The following NCALD variants were observed in gnomAD, a reference collection of about 807,000 sequenced individuals.
NCALD encodes neurocalcin-delta.
Under a neutral mutation model 18.6 loss-of-function variants are expected in NCALD, and 10 were observed. The observed-to-expected ratio is 0.54, with a 90% confidence interval of 0.33 to 0.91. The LOEUF (loss-of-function observed/expected upper bound fraction) is 0.91. Among genes scored for constraint, NCALD ranks in the 40% least tolerant of loss-of-function variants. The pLI is 0.03. For missense variants in NCALD, 184 were observed against 247.6 expected (o/e 0.74, Z 1.72); for synonymous variants, 88 against 87.4 (o/e 1.01, Z -0.04).
chr8:101,831,606 G>A (rs536840705), intron 4 of NCALD, among the ~76,000 whole-genome samples: 3 of 152,268 alleles, frequency 2.0e-5, no homozygotes, highest in East Asian at 3.9e-4. Context: ...CTAAAAGGCT[G>A]TTTACTTTGT....
intron 4 of NCALD, among the ~76,000 whole-genome samples, chr8:101,846,507 C>T (rs146016492): frequency 6.6e-5 from 10 of 152,190 alleles, no homozygotes; most frequent in African/African-American, 2.2e-4. Flanking sequence ...CTTCAAGCTC[C>T]CCCTACACCC....
chr8:101,948,376 G>A (rs1264588661), intron 2 of NCALD, among the ~76,000 whole-genome samples: 2 of 152,210 alleles, frequency 1.3e-5, no homozygotes, highest in Non-Finnish European at 2.9e-5. Context: ...GGTGAAGGGT[G>A]CTCAGAGACT....
chr8:102,005,617 G>A (rs2132044198), intron 2 of NCALD, among the ~76,000 whole-genome samples: 1 of 152,190 alleles, frequency 6.6e-6, no homozygotes, highest in Admixed American at 6.5e-5. Flanking sequence ...GCAAAGACTT[G>A]GAACTAACCC....
chr8:102,085,338 C>T (rs1824701701), intron 1 of NCALD, among the ~76,000 whole-genome samples: 2 of 152,180 alleles, frequency 1.3e-5, no homozygotes, highest in Admixed American at 1.3e-4. Flanking sequence ...CTGGGAGTTC[C>T]CAGTCACCCT....
At chr8:101,951,467 G>A (rs1013689728) in intron 2 of NCALD, among the ~76,000 whole-genome samples, 1 of 152,176 alleles carries the variant, frequency 6.6e-6, no homozygotes. Flanking sequence ...CAGGGAGGGA[G>A]CGTACCAGAG....
chr8:102,098,168 C>G (rs968045187), intron 1 of NCALD, among the ~76,000 whole-genome samples: 8 of 152,200 alleles, frequency 5.3e-5, no homozygotes, highest in African/African-American at 1.7e-4. Context: ...GGGATGACCT[C>G]CAGTTGCCCA....
At chr8:101,753,302 C>T (rs572824360) in intron 1 of NCALD, among the ~76,000 whole-genome samples, 3 of 151,974 alleles carry the variant, frequency 2.0e-5, no homozygotes, top group Admixed American at 6.6e-5. Flanking sequence ...GAATCAAGAG[C>T]GTAGATGGGA....
chr8:102,122,259 T>TG (rs1335720338), intron 1 of NCALD, among the ~76,000 whole-genome samples: 1 of 151,870 alleles, frequency 6.6e-6, no homozygotes, highest in Non-Finnish European at 1.5e-5. Flanking sequence ...AGAGGCTACG[T>TG]GGGGGGAGGC....
intron 2 of NCALD, among the ~76,000 whole-genome samples, chr8:101,704,309 A>T (rs1338184984): frequency 6.6e-6 from 1 of 152,180 alleles, no homozygotes; most frequent in Non-Finnish European, 1.5e-5. Context: ...CTTGAAATTA[A>T]CAACAACAAA....
chr8:101,867,115 G>A (rs187175871), intron 4 of NCALD, among the ~76,000 whole-genome samples: 150 of 152,086 alleles, frequency 9.9e-4, no homozygotes, highest in Middle Eastern at 3.4e-3. Context: ...GCACTCCCTC[G>A]TCCTGGCATG....
At chr8:102,064,327 G>C (rs1345317153) in intron 1 of NCALD, among the ~76,000 whole-genome samples, 2 of 152,162 alleles carry the variant, frequency 1.3e-5, no homozygotes, top group Non-Finnish European at 2.9e-5. Context: ...CAGGGCTCAG[G>C]GGAAGGGCCA....
At chr8:101,793,192 T>C (rs1812510440), upstream of NCALD, among the ~76,000 whole-genome samples, 1 of 151,720 alleles carries the variant, frequency 6.6e-6, no homozygotes, top group Non-Finnish European at 1.5e-5. Flanking sequence ...CTATTAAAAA[T>C]ACAAAAAATT....
chr8:102,088,650 T>C (rs1318580721), intron 1 of NCALD, among the ~76,000 whole-genome samples: 5 of 151,966 alleles, frequency 3.3e-5, no homozygotes, highest in Admixed American at 6.6e-5. Flanking sequence ...ATAGATCTCT[T>C]TCAAAATCTA....
intron 4 of NCALD, among the ~76,000 whole-genome samples, chr8:101,856,849 C>T (rs1815340133): frequency 6.6e-6 from 1 of 152,158 alleles, no homozygotes; most frequent in Non-Finnish European, 1.5e-5. Context: ...CTGACTCCTT[C>T]TGCTCCTGGC....
At position 101,870,929 on chromosome 8, in the gene NCALD, A is replaced by G. The variant is rs145094046; in HGVS notation, c.-20+16212T>C. Among the ~76,000 whole-genome samples, 654 of 117,420 alleles carry G rather than the reference A, an allele frequency of 5.6e-3. 3 individuals carry two copies. The highest frequency in any genetic ancestry group is 8.2e-3 in the Admixed American group (68 of 8,296). 77.0% of individuals were successfully genotyped at this position (117,420 alleles called of 152,430 possible). The stretch of plus-strand genomic sequence containing the variant: ...CCCCCCAAAAAAAGAGAGAACGTTC[A>G]TGAGTTATCTAAAGAACATCTGGTC... On this transcript the variant is annotated intron_variant, in intron 4 of 6. Transcript: ENST00000311028.
At chr8:101,712,986 GCAC>G (rs944093239) in intron 2 of NCALD, among the ~76,000 whole-genome samples, 21 of 152,114 alleles carry the variant, frequency 1.4e-4, no homozygotes, top group African/African-American at 5.1e-4. Context: ...ATTCTTCTCA[GCAC>G]CACATCACAC....
chr8:102,017,731 T>A (rs532975837), intron 2 of NCALD, among the ~76,000 whole-genome samples: 108 of 152,302 alleles, frequency 7.1e-4, no homozygotes, highest in African/African-American at 2.5e-3. Context: ...TACTCTTCCA[T>A]TTTTAAAAAT....
At chr8:101,775,048 G>A (rs937287237) in intron 1 of NCALD, among the ~76,000 whole-genome samples, 1 of 152,134 alleles carries the variant, frequency 6.6e-6, no homozygotes, top group Non-Finnish European at 1.5e-5. Context: ...AACTTGCTCA[G>A]GGTTGTTTTC....
At chr8:101,723,241 G>C (rs1354704015) in intron 1 of NCALD, among the ~76,000 whole-genome samples, 1 of 152,148 alleles carries the variant, frequency 6.6e-6, no homozygotes, top group African/African-American at 2.4e-5. Flanking sequence ...AGGTATGACA[G>C]GCTGTCTTTT....
Sources: allele counts gnomAD v4.1 joint callset (sites outside exome capture counted in the v4.1 genomes callset), GRCh38; gene constraint gnomAD v4.1.1; transcripts MANE v1.5; gene names NCBI Gene and HGNC (gene_info 2026-07-23, HGNC 2026-07-21).